Variants in NPAS3 observed in about 807,000 individuals in gnomAD.
NPAS3 encodes neuronal PAS domain protein 3, also known as neuronal PAS domain-containing protein 3.
A neutral mutation model predicts 73.1 loss-of-function variants in NPAS3; 14 were observed. That is an observed-to-expected ratio of 0.19 (90% CI 0.13 to 0.30). NPAS3 has a LOEUF of 0.30. Among genes scored for constraint, NPAS3 ranks in the 10% least tolerant of loss-of-function variants. The probability of loss-of-function intolerance (pLI) is 1.00; values close to 1 mark genes in which losing one functional copy is unlikely to be tolerated. For missense variants in NPAS3, 1,096 were observed against 1,250.0 expected, an observed-to-expected ratio of 0.88 and a Z score of 1.86; for synonymous variants, 620 against 541.5, an observed-to-expected ratio of 1.14 and a Z score of -2.01.
rs529515291 is a variant in NPAS3, at chr14:33,423,545, G to C, written c.468+56277G>C. Among the ~76,000 whole-genome samples, 129 of 151,720 alleles carry C rather than the reference G, an allele frequency of 8.5e-4. 1 individual carries two copies. The highest frequency in any genetic ancestry group is 3.2e-3 in the Admixed American group (48 of 15,202). On this transcript the variant is annotated intron_variant, in intron 4 of 11. Transcript: ENST00000356141. ...AATATCCATTTTATTTGTTATTGCTGGTACAAAACATGTATGTATATATAT... is the reference window on the plus strand; with the variant it reads ...AATATCCATTTTATTTGTTATTGCTCGTACAAAACATGTATGTATATATAT...
At chr14:33,322,628 A>T (rs962710914) in intron 3 of NPAS3, among the ~76,000 whole-genome samples, 4 of 151,994 alleles carry the variant, frequency 2.6e-5, no homozygotes, top group South Asian at 4.1e-4. Flanking sequence ...TTATTTTTTT[A>T]AATTTCTGTT....
chr14:33,323,717 G>C (rs2043563234), intron 3 of NPAS3, among the ~76,000 whole-genome samples: 1 of 152,208 alleles, frequency 6.6e-6, no homozygotes. Context: ...AGGGAGAAAA[G>C]TTTACCATTC....
intron 4 of NPAS3, among the ~76,000 whole-genome samples, chr14:33,558,640 A>G (rs1395116415): frequency 1.3e-5 from 2 of 151,556 alleles, no homozygotes; most frequent in Admixed American, 1.3e-4. Context: ...ATACACATAT[A>G]TATATAAGAA....
Position 33,715,977 on chromosome 14 carries a change from C to T in NPAS3, c.734-19237C>T, listed in dbSNP as rs530737495. Among the ~76,000 whole-genome samples, 31 of 152,326 alleles carry T rather than the reference C, an allele frequency of 2.0e-4. No homozygotes were observed. In the South Asian group the frequency reaches 5.0e-3, roughly 24 times the overall value. Reference sequence around the variant, plus strand: ...GCCTTCCACCATGATTGTGAGGCCTCCTCATCCATGTGGAACTGTTAGTCC... The same window carrying T: ...GCCTTCCACCATGATTGTGAGGCCTTCTCATCCATGTGGAACTGTTAGTCC... On this transcript the variant is annotated intron_variant, in intron 6 of 11. Transcript: ENST00000356141.
rs1463875028 is a variant in NPAS3 at position 33,485,029 on chromosome 14, A to G, written c.469-75092A>G. 3.3e-5 allele frequency among the ~76,000 whole-genome samples: 5 copies of G among 152,298 alleles called. No homozygotes were observed. The South Asian group carries it at 6.2e-4, about 19-fold the overall frequency. ...GAACTTCCTGCTTTTGGTAAATAGA[A>G]CTGATTCATGGACAGGGCCAGTAAA... On this transcript the variant is annotated intron_variant, in intron 4 of 11. Coordinates refer to ENST00000356141, the Ensembl canonical transcript of NPAS3.
chr14:33,309,947 G>A (rs1353950311), intron 3 of NPAS3, among the ~76,000 whole-genome samples: 1 of 152,094 alleles, frequency 6.6e-6, no homozygotes, highest in Non-Finnish European at 1.5e-5. Context: ...ACTTCCTGCT[G>A]GAATGTTGGG....
intron 4 of NPAS3, among the ~76,000 whole-genome samples, chr14:33,506,844 T>C (rs1307903460): frequency 6.6e-6 from 1 of 152,052 alleles, no homozygotes; most frequent in African/African-American, 2.4e-5. Flanking sequence ...AATTTGTATG[T>C]TTTCTATTTA....
At chr14:33,578,066 T>C (rs1464298989) in intron 5 of NPAS3, among the ~76,000 whole-genome samples, 1 of 152,270 alleles carries the variant, frequency 6.6e-6, no homozygotes, top group South Asian at 2.1e-4. Flanking sequence ...TGGGATAGCA[T>C]GTTTTTTCTA....
intron 1 of NPAS3, among the ~76,000 whole-genome samples, chr14:33,003,534 G>A (rs952423230): frequency 6.6e-6 from 1 of 152,120 alleles, no homozygotes; most frequent in Non-Finnish European, 1.5e-5. Flanking sequence ...ATTTTTTTCT[G>A]TGTCCATGAA....
At chr14:33,561,867 G>T (rs2139762143) in intron 5 of NPAS3, among the ~76,000 whole-genome samples, 1 of 152,320 alleles carries the variant, frequency 6.6e-6, no homozygotes, top group Non-Finnish European at 1.5e-5. Context: ...ACATTTTACA[G>T]CCCTGCTTAG....
intron 2 of NPAS3, among the ~76,000 whole-genome samples, chr14:33,179,049 T>A (rs190662480): frequency 9.8e-4 from 149 of 151,954 alleles, no homozygotes; most frequent in African/African-American, 6.7e-4. Flanking sequence ...ATACCTTTTT[T>A]AAAAAAAAAT....
chr14:33,706,492 C>T (rs2060659702), intron 6 of NPAS3, among the ~76,000 whole-genome samples: 1 of 152,184 alleles, frequency 6.6e-6, no homozygotes, highest in Non-Finnish European at 1.5e-5. Context: ...ATAGATCTGG[C>T]TGTTTCTCAT....
intron 1 of NPAS3, among the ~76,000 whole-genome samples, chr14:32,946,348 G>GCGCGCACACA (rs1233572564): frequency 1.1e-3 from 156 of 139,402 alleles, no homozygotes; most frequent in African/African-American, 4.1e-3. Flanking sequence ...ACACACACGC[G>GCGCGCACACA]CACACACACA....
intron 4 of NPAS3, among the ~76,000 whole-genome samples, chr14:33,394,390 A>G (rs2047134678): frequency 6.6e-6 from 1 of 152,198 alleles, no homozygotes; most frequent in African/African-American, 2.4e-5. Flanking sequence ...ACAGTTACTT[A>G]ATATCACTCT....
At chr14:33,561,662 C>T (rs1005209878) in intron 5 of NPAS3, among the ~76,000 whole-genome samples, 15 of 152,228 alleles carry the variant, frequency 9.9e-5, no homozygotes, top group Non-Finnish European at 1.9e-4. Context: ...GCCACCATGT[C>T]GCGATGTTGT....
intron 3 of NPAS3, among the ~76,000 whole-genome samples, chr14:33,232,277 G>A (rs2047879719): frequency 6.6e-6 from 1 of 152,108 alleles, no homozygotes; most frequent in Admixed American, 6.6e-5. Flanking sequence ...TTAAGAGTGT[G>A]GGTGCTTTGG....
At chr14:33,658,098 T>C (rs549561760) in intron 5 of NPAS3, among the ~76,000 whole-genome samples, 17 of 152,350 alleles carry the variant, frequency 1.1e-4, no homozygotes, top group African/African-American at 3.8e-4. Flanking sequence ...GCCACTCTTA[T>C]AATAAGTAGA....
intron 2 of NPAS3, among the ~76,000 whole-genome samples, chr14:33,193,061 C>T (rs10148780): frequency 0.21 from 32,293 of 152,058 alleles, 3,901 homozygotes; most frequent in South Asian, 0.38. Context: ...TAGTGGAAGA[C>T]CTAATCAGTG....
chr14:33,448,082 G>T (rs908180575), intron 4 of NPAS3, among the ~76,000 whole-genome samples: 6 of 152,152 alleles, frequency 3.9e-5, no homozygotes, highest in Non-Finnish European at 5.9e-5. Context: ...TTATGTAGGA[G>T]GAGGGATGGA....
Sources: allele counts gnomAD v4.1 joint callset (sites outside exome capture counted in the v4.1 genomes callset), GRCh38; gene constraint gnomAD v4.1.1; transcripts MANE v1.5; gene names NCBI Gene and HGNC (gene_info 2026-07-23, HGNC 2026-07-21).